Variants in ESPNL observed in about 807,000 individuals in gnomAD.
ESPNL encodes the protein espin like, also known as espin-like protein.
In ESPNL, 49 loss-of-function variants were observed where a neutral mutation model predicts 46.8. The ratio of observed to expected loss-of-function variants is 1.05; its 90% CI spans 0.83 to 1.33. The LOEUF (loss-of-function observed/expected upper bound fraction) is 1.33. Among genes scored for constraint, ESPNL ranks in the 40% most tolerant of loss-of-function variants. The probability of loss-of-function intolerance (pLI) is 0.00; values close to 1 mark genes in which losing one functional copy is unlikely to be tolerated. For synonymous variants in ESPNL, 664 were observed against 662.1 expected (o/e 1.00, Z -0.04); for missense variants, 1,540 against 1,436.6 (o/e 1.07, Z -1.16).
At position 238,131,819 on chromosome 2, in the gene ESPNL, C is replaced by T; in HGVS notation, c.*87C>T. ...TTTCCTTGCTCACACCCTTGGTGTTCAGGTGAGCCGGGCAAGGCTGCCTCC... is the reference window on the plus strand; with the variant it reads ...TTTCCTTGCTCACACCCTTGGTGTTTAGGTGAGCCGGGCAAGGCTGCCTCC... On this transcript the variant is annotated 3_prime_UTR_variant, in exon 9 of 9. Transcript: ENST00000343063. The T allele has an allele frequency of 2.8e-6, 4 of 1,448,102 alleles. No individual in the cohort carries two copies. Among genetic ancestry groups the T allele is most frequent in the Non-Finnish European group, 3.7e-6 (4 of 1,069,502 alleles). 89.7% of individuals were successfully genotyped at this position (1,448,102 alleles called of 1,614,324 possible). A position where few individuals can be genotyped will look rare whatever the true frequency, so the allele number is the denominator to read the frequency against.
intron 5 of ESPNL, among the ~76,000 whole-genome samples, chr2:238,119,152 A>G (rs1574737555): frequency 2.9e-5 from 3 of 102,484 alleles, no homozygotes; most frequent in Admixed American, 9.6e-5. Context: ...GGAGGAATGG[A>G]TGGAGGAGGG....
chr2:238,122,310 T>C (rs1401984393), intron 5 of ESPNL, among the ~76,000 whole-genome samples: 3 of 152,240 alleles, frequency 2.0e-5, no homozygotes, highest in Non-Finnish European at 4.4e-5. Context: ...TTCTCATCCC[T>C]GTTAAACTCA....
intron 6 of ESPNL, among the ~76,000 whole-genome samples, chr2:238,126,921 C>CTGTCTGTGATTGTGTCTG (rs1692142039): frequency 2.0e-5 from 3 of 146,640 alleles, no homozygotes; most frequent in Admixed American, 2.0e-4. Flanking sequence ...ATGATCGTGT[C>CTGTCTGTGATTGTGTCTG]TGTGTGTCTG....
At chr2:238,108,073 C>A (rs1421274089) in intron 4 of ESPNL, 100 bp downstream of exon 4, 1 of 1,123,060 alleles carries the variant, frequency 8.9e-7, no homozygotes, top group Non-Finnish European at 1.2e-6. Flanking sequence ...AGAGTGATGA[C>A]CCTCTTTTAC....
chr2:238,111,755 T>C (rs1691722207), intron 4 of ESPNL, among the ~76,000 whole-genome samples: 1 of 152,230 alleles, frequency 6.6e-6, no homozygotes, highest in Non-Finnish European at 1.5e-5. Context: ...GGTGTGTAAA[T>C]ATCTCTGAGA....
At chr2:238,109,404 C>G (rs1691668583) in intron 4 of ESPNL, among the ~76,000 whole-genome samples, 1 of 152,222 alleles carries the variant, frequency 6.6e-6, no homozygotes, top group Non-Finnish European at 1.5e-5. Flanking sequence ...ATTCAAAACA[C>G]ACAACAGCGT....
chr2:238,128,296 G>A (rs1692187849), intron 7 of ESPNL, among the ~76,000 whole-genome samples: 2 of 152,220 alleles, frequency 1.3e-5, no homozygotes, highest in Admixed American at 1.3e-4. Context: ...GAGCTGGAGC[G>A]CGCACGGCAC....
At chr2:238,129,535 G>A (rs1692232886) in intron 8 of ESPNL, among the ~76,000 whole-genome samples, 1 of 152,172 alleles carries the variant, frequency 6.6e-6, no homozygotes, top group South Asian at 2.1e-4. Context: ...CCTCTGTGAG[G>A]CCGTGGGGAG....
intron 4 of ESPNL, 140 bp downstream of exon 4, chr2:238,108,113 C>T (rs1354084600): frequency 1.7e-5 from 14 of 806,296 alleles, no homozygotes; most frequent in Non-Finnish European, 2.1e-5. Context: ...CTAAGTGGCA[C>T]TGTCACTTGC....
At chr2:238,122,885 G>A (rs1692018671) in intron 5 of ESPNL, among the ~76,000 whole-genome samples, 1 of 152,238 alleles carries the variant, frequency 6.6e-6, no homozygotes, top group Non-Finnish European at 1.5e-5. Flanking sequence ...TGGCTTTTCT[G>A]GCCGCGTCTG....
intron 3 of ESPNL, among the ~76,000 whole-genome samples, chr2:238,105,444 C>T (rs771496233): frequency 2.1e-5 from 3 of 144,802 alleles, no homozygotes; most frequent in East Asian, 2.1e-4. Flanking sequence ...ACCTGGGAGG[C>T]GGAGGTTGCT....
At chr2:238,120,759 C>A (rs1691970263) in intron 5 of ESPNL, among the ~76,000 whole-genome samples, 2 of 152,248 alleles carry the variant, frequency 1.3e-5, no homozygotes, top group South Asian at 4.1e-4. Flanking sequence ...GAGCTGTCCC[C>A]TCTTCAGGCC....
In ESPNL at chr2:238,104,676, G is replaced by A. The variant is rs751187489; in HGVS notation, c.506G>A (p.Arg169His). ...AHGSSVNRRT[R>H]SGASPLYLAC... ...TGCAGCAGCGTGAACCGGCGGACAC[G>A]CAGTGGCGCCTCCCCACTCTACCTG... Residue 169 changes from arginine to histidine, a missense_variant, in exon 3 of 9, where the codon CGC (arginine) becomes CAC (histidine). Coordinates refer to ENST00000343063, the MANE Select transcript of ESPNL (RefSeq NM_194312.4). 21 of 1,598,358 alleles carry A rather than the reference G, an allele frequency of 1.3e-5. No homozygotes were observed. The highest frequency in any genetic ancestry group is 1.7e-5 in the Non-Finnish European group (20 of 1,172,758).
intron 5 of ESPNL, among the ~76,000 whole-genome samples, chr2:238,117,530 G>A (rs985977635): frequency 3.9e-5 from 6 of 152,194 alleles, no homozygotes; most frequent in South Asian, 2.1e-4. Context: ...GAGTGGGAAC[G>A]GAACCTCCCA....
chr2:238,116,700 G>A (rs571775193), intron 4 of ESPNL, among the ~76,000 whole-genome samples: 1 of 152,334 alleles, frequency 6.6e-6, no homozygotes, highest in East Asian at 1.9e-4. Context: ...GTCTGGGCCA[G>A]GACAGGGTGG....
In ESPNL at chr2:238,100,537, G is replaced by C. The variant is rs1342192420; in HGVS notation, c.118G>C (p.Val40Leu). Reference sequence around the variant, plus strand: ...CACCGATGCTCTGGGGGCCGGCCTGGTTCACCACGCCACCCGGGCTGGCCA... The same window carrying C: ...CACCGATGCTCTGGGGGCCGGCCTGCTTCACCACGCCACCCGGGCTGGCCA... ...GITDALGAGL[V>L]HHATRAGHLD... Residue 40 changes from valine to leucine, a missense_variant, in exon 1 of 9, where the codon GTT becomes CTT. Val to Leu is a conservative substitution (Grantham distance 32). Coordinates refer to ENST00000343063, the MANE Select transcript of ESPNL (RefSeq NM_194312.4). 6.3e-7 allele frequency: 1 copy of C among 1,594,488 alleles called. No individual in the cohort carries two copies. The highest frequency in any genetic ancestry group is 1.8e-5 in the Admixed American group (1 of 56,858).
At chr2:238,129,155 T>C (rs1291144095) in intron 8 of ESPNL, 1 of 1,394,026 alleles carries the variant, frequency 7.2e-7, no homozygotes, top group Non-Finnish European at 9.3e-7. Context: ...TTGTGGCACA[T>C]GCCTGCCTGT....
At chr2:238,128,984 G>A (rs1692212505) in intron 8 of ESPNL, 80 bp downstream of exon 8, 1 of 1,482,216 alleles carries the variant, frequency 6.7e-7, no homozygotes, top group Non-Finnish European at 9.0e-7. Flanking sequence ...CAGGGCGCCC[G>A]AAGCCCAGAA....
At chr2:238,129,163 T>C (rs1692219299) in intron 8 of ESPNL, 19 of 1,393,554 alleles carry the variant, frequency 1.4e-5, no homozygotes, top group Non-Finnish European at 1.4e-5. Flanking sequence ...CATGCCTGCC[T>C]GTGCCAAGCG....
Sources: gnomAD v4.1 joint callset for allele counts (sites outside exome capture counted in the v4.1 genomes callset) on GRCh38, gnomAD v4.1.1 for gene constraint, MANE v1.5 for transcripts, NCBI Gene and HGNC (gene_info 2026-07-23, HGNC 2026-07-21) for gene names.